The following REDIC1 variants were observed in gnomAD, a reference collection of about 807,000 sequenced individuals.
The protein encoded by REDIC1 is regulator of DNA class I crossover intermediates 1, also known as HEI10 Interacting Protein 1.
the REDIC1 span, chr12:39,640,925 C>T: frequency 2.5e-6 from 4 of 1,581,222 alleles, no homozygotes. Flanking sequence ...TCTTTGATCA[C>T]TATATATTTT....
the REDIC1 span, chr12:39,721,019 T>C: frequency 1.2e-6 from 2 of 1,613,748 alleles, no homozygotes; most frequent in Non-Finnish European, 1.7e-6. Context: ...TCAGCCCACA[T>C]TTTGCAAAAC....
At chr12:39,896,530 A>C in the REDIC1 span, among the ~76,000 whole-genome samples, 1 of 141,294 alleles carries the variant, frequency 7.1e-6, no homozygotes, top group Non-Finnish European at 1.5e-5. Context: ...ACATGTATAC[A>C]TGTATGTATG....
At chr12:39,680,803 C>T in the REDIC1 span, among the ~76,000 whole-genome samples, 1 of 152,164 alleles carries the variant, frequency 6.6e-6, no homozygotes, top group African/African-American at 2.4e-5. Flanking sequence ...CACACACTCA[C>T]ACTCCATGGA....
chr12:39,637,126 C>G, the REDIC1 span, among the ~76,000 whole-genome samples: 2 of 151,378 alleles, frequency 1.3e-5, no homozygotes, highest in African/African-American at 4.9e-5. Context: ...CCCCTTTATA[C>G]TTTTTTGTTT....
the REDIC1 span, among the ~76,000 whole-genome samples, chr12:39,880,149 G>C: frequency 2.6e-5 from 4 of 152,066 alleles, no homozygotes. Context: ...CCAGAAGCTG[G>C]GCAGATGCCA....
the REDIC1 span, among the ~76,000 whole-genome samples, chr12:39,762,945 A>T: frequency 6.6e-6 from 1 of 152,040 alleles, no homozygotes; most frequent in East Asian, 1.9e-4. Flanking sequence ...CTGGCAGGAT[A>T]AATTCAAGAA....
the REDIC1 span, among the ~76,000 whole-genome samples, chr12:39,875,216 C>T: frequency 2.0e-5 from 3 of 152,162 alleles, no homozygotes; most frequent in African/African-American, 7.2e-5. Flanking sequence ...GAGCTCTGTC[C>T]CTTCCTGGAA....
chr12:39,821,120 T>A, the REDIC1 span, among the ~76,000 whole-genome samples: 1 of 152,114 alleles, frequency 6.6e-6, no homozygotes, highest in African/African-American at 2.4e-5. Context: ...GTTCCTTTTA[T>A]AACTCAAAAA....
the REDIC1 span, among the ~76,000 whole-genome samples, chr12:39,692,644 A>G: frequency 1.3e-5 from 2 of 151,936 alleles, no homozygotes; most frequent in African/African-American, 4.8e-5. Context: ...CTGTATGAAT[A>G]TATCACAATT....
At chr12:39,811,723 C>T in the REDIC1 span, among the ~76,000 whole-genome samples, 1 of 152,162 alleles carries the variant, frequency 6.6e-6, no homozygotes, top group African/African-American at 2.4e-5. Flanking sequence ...AGCCATCCTT[C>T]TTAATCTCTG....
chr12:39,711,142 T>C, the REDIC1 span, among the ~76,000 whole-genome samples: 4 of 151,418 alleles, frequency 2.6e-5, no homozygotes, highest in African/African-American at 9.7e-5. Flanking sequence ...GAACATACGG[T>C]TTGGTTTCCC....
At chr12:39,814,087 T>A in the REDIC1 span, among the ~76,000 whole-genome samples, 1 of 152,216 alleles carries the variant, frequency 6.6e-6, no homozygotes, top group Non-Finnish European at 1.5e-5. Flanking sequence ...TTCTCTTCAC[T>A]TTTGCCCATA....
chr12:39,782,024 G>T, the REDIC1 span, among the ~76,000 whole-genome samples: 1 of 152,156 alleles, frequency 6.6e-6, no homozygotes, highest in African/African-American at 2.4e-5. Context: ...CTCTATCTTG[G>T]ATTCTAGATG....
At chr12:39,749,286 A>ACC in the REDIC1 span, among the ~76,000 whole-genome samples, 1 of 152,236 alleles carries the variant, frequency 6.6e-6, no homozygotes, top group Admixed American at 6.5e-5. Flanking sequence ...AGAATACTAT[A>ACC]AACACCTCTA....
the REDIC1 span, among the ~76,000 whole-genome samples, chr12:39,832,967 T>C: frequency 6.6e-6 from 1 of 152,220 alleles, no homozygotes; most frequent in East Asian, 1.9e-4. Context: ...TTCTCAAAAA[T>C]CCTGATCTAG....
At chr12:39,654,460 C>T in the REDIC1 span, among the ~76,000 whole-genome samples, 1 of 151,896 alleles carries the variant, frequency 6.6e-6, no homozygotes, top group Admixed American at 6.6e-5. Context: ...TGGTGGCGGG[C>T]GCCTGTAGTC....
chr12:39,741,749 G>A, the REDIC1 span, among the ~76,000 whole-genome samples: 1 of 152,142 alleles, frequency 6.6e-6, no homozygotes, highest in Non-Finnish European at 1.5e-5. Context: ...GGGCTTATAG[G>A]TTATAGGCAG....
the REDIC1 span, chr12:39,720,728 T>C: frequency 8.3e-7 from 1 of 1,211,892 alleles, no homozygotes; most frequent in African/African-American, 1.5e-5. Context: ...TTTGAAGTGA[T>C]TGAATGCATT....
At chr12:39,707,705 T>C in the REDIC1 span, among the ~76,000 whole-genome samples, 4 of 151,966 alleles carry the variant, frequency 2.6e-5, no homozygotes. Flanking sequence ...ATCATTGTTT[T>C]ATAATGTTTA....
Sources: allele counts gnomAD v4.1 joint callset (sites outside exome capture counted in the v4.1 genomes callset), GRCh38; gene constraint gnomAD v4.1.1; transcripts MANE v1.5; gene names NCBI Gene and HGNC (gene_info 2026-07-23, HGNC 2026-07-21).